The following USH2A variants were observed in gnomAD, a reference collection of about 807,000 sequenced individuals.
The protein encoded by USH2A is Usher syndrome 2A (autosomal recessive, mild).
A neutral mutation model predicts 538.9 loss-of-function variants in USH2A; 443 were observed. The observed-to-expected ratio is 0.82, with a 90% CI of 0.76 to 0.89. USH2A has a LOEUF of 0.89. USH2A is among the 40% of genes least tolerant of loss of function. USH2A has a pLI of 0.00. For synonymous variants in USH2A, 2,413 were observed against 2,273.5 expected (o/e 1.06, Z -1.75); for missense variants, 6,633 against 6,324.8 (o/e 1.05, Z -1.65).
chr1:216,170,390 A>G lies in USH2A; in HGVS notation c.4627+4862T>C, dbSNP rs575918488. On this transcript the variant is annotated intron_variant, in intron 21 of 71. Coordinates refer to ENST00000307340, the MANE Select transcript of USH2A (RefSeq NM_206933.4). ...GTGTCCTTGAACATCATTATTATGAAGAAACTGTATAGAGTTCTCATCTGC... is the reference window on the plus strand; with the variant it reads ...GTGTCCTTGAACATCATTATTATGAGGAAACTGTATAGAGTTCTCATCTGC... Among the ~76,000 whole-genome samples the G allele has an allele frequency of 2.6e-5, 4 of 152,272 alleles. No individual in the cohort carries two copies. The South Asian group carries it at 8.3e-4, about 32-fold the overall frequency.
chr1:215,663,091 T>C (rs563410411), intron 64 of USH2A, among the ~76,000 whole-genome samples: 9 of 152,328 alleles, frequency 5.9e-5, no homozygotes, highest in African/African-American at 2.2e-4. Flanking sequence ...TTGAACTTCC[T>C]AGCGGAAGGA....
chr1:216,083,471 T>C lies in USH2A; in HGVS notation c.5283A>G (p.Gly1761=). The change falls in exon 26 of 72, where the codon GGA becomes GGG. Residue 1761 remains glycine, a synonymous_variant. Coordinates refer to ENST00000307340, the MANE Select transcript of USH2A (RefSeq NM_206933.4). The part of the protein sequence containing the change: ...GLLLFVYNKD[G]PDFLAMELKS... Reference sequence around the variant, plus strand: ...ATTCACATACAGCAAGAAAATCAGGTCCATCTTTGTTATAAACGAAAAGAA... The same window carrying C: ...ATTCACATACAGCAAGAAAATCAGGCCCATCTTTGTTATAAACGAAAAGAA... The C allele has an allele frequency of 6.2e-7, 1 of 1,611,798 alleles. No homozygotes were observed. The highest frequency in any genetic ancestry group is 8.5e-7 in the Non-Finnish European group (1 of 1,179,044).
In USH2A at chr1:215,725,085, G is replaced by T. The variant is rs560772941; in HGVS notation, c.12066+2945C>A. Among the ~76,000 whole-genome samples the T allele has an allele frequency of 9.2e-5, 14 of 152,288 alleles. No homozygotes were observed. The South Asian group carries it at 2.3e-3, about 25-fold the overall frequency. On this transcript the variant is annotated intron_variant, in intron 61 of 71. Coordinates refer to ENST00000307340, the MANE Select transcript of USH2A (RefSeq NM_206933.4). ...GTCTTGCTCTGTTGCCCAGGTTGGA[G>T]TGTGGTGGCATGATCTTGGCTCACT...
chr1:215,745,006 A>G (rs1660431776), intron 58 of USH2A, among the ~76,000 whole-genome samples: 1 of 152,186 alleles, frequency 6.6e-6, no homozygotes, highest in South Asian at 2.1e-4. Flanking sequence ...GTATTTCTAC[A>G]TGGATATTCC....
rs530542333 is a variant in USH2A, at chr1:216,372,675, T to A, written c.652-7590A>T. Among the ~76,000 whole-genome samples the A allele has an allele frequency of 6.8e-4, 104 of 152,262 alleles. 1 individual carries two copies. The highest frequency in any genetic ancestry group is 2.4e-3 in the African/African-American group (98 of 41,556). On this transcript the variant is annotated intron_variant, in intron 3 of 71. Coordinates refer to ENST00000307340, the MANE Select transcript of USH2A (RefSeq NM_206933.4). ...TCTACTGCCAAAAAAAAGCTATTAA[T>A]TTACACATATACATGATGGAAAATC...
chr1:216,048,768 C>A lies in USH2A; in HGVS notation c.6050-121G>T, dbSNP rs2030634397. ...GAGACAAAAACAAAGAGACCAGAGA[C>A]AGAAATCAAAAACATATTCCTCTTT... On this transcript the variant is annotated intron_variant, in intron 30 of 71. Transcript: ENST00000307340. 3.4e-6 allele frequency: 3 copies of A among 869,804 alleles called. No homozygotes were observed. In the South Asian group the frequency reaches 4.1e-5, roughly 12 times the overall value. 53.9% of individuals were successfully genotyped at this position (869,804 alleles called of 1,614,324 possible). A position where few individuals can be genotyped will look rare whatever the true frequency, so the allele number is the denominator to read the frequency against.
At chr1:216,422,576 T>C in intron 1 of USH2A, 36 bp from the exon 2 acceptor site, 1 of 510,622 alleles carries the variant, frequency 2.0e-6, no homozygotes, top group East Asian at 3.8e-5. Context: ...AAGGGAAAGC[T>C]GCTGCACCTT....
intron 14 of USH2A, among the ~76,000 whole-genome samples, chr1:216,231,259 A>ATATATATATTATATATATT (rs1491391548): frequency 1.0e-5 from 1 of 98,116 alleles, no homozygotes; most frequent in African/African-American, 3.6e-5. Flanking sequence ...TTATATATAT[A>ATATATATATTATATATATT]ATATATATAT....
intron 32 of USH2A, among the ~76,000 whole-genome samples, chr1:216,005,698 C>T (rs928944759): frequency 3.6e-4 from 54 of 151,520 alleles, no homozygotes; most frequent in Admixed American, 3.0e-3. Flanking sequence ...CCATTAAATA[C>T]GAGAAAAAGG....
intron 12 of USH2A, among the ~76,000 whole-genome samples, chr1:216,248,491 G>A (rs1438984051): frequency 6.6e-6 from 1 of 151,616 alleles, no homozygotes; most frequent in Non-Finnish European, 1.5e-5. Flanking sequence ...ACATACTCAG[G>A]AACTCATATG....
chr1:216,239,215 A>G (rs1437410178), intron 13 of USH2A, among the ~76,000 whole-genome samples: 2 of 152,158 alleles, frequency 1.3e-5, no homozygotes, highest in African/African-American at 4.8e-5. Context: ...GTGGGCTATG[A>G]ATATGTGCAG....
At chr1:215,987,279 A>T (rs750909225) in intron 35 of USH2A, among the ~76,000 whole-genome samples, 7 of 152,226 alleles carry the variant, frequency 4.6e-5, no homozygotes, top group African/African-American at 1.4e-4. Context: ...CGCAATTGCA[A>T]TCTACACAAT....
In USH2A at chr1:216,198,442, T is replaced by A; in HGVS notation, c.3954A>T (p.Lys1318Asn). The A allele has an allele frequency of 1.2e-6, 2 of 1,613,654 alleles. No individual in the cohort carries two copies. The highest frequency in any genetic ancestry group is 4.5e-5 in the East Asian group (2 of 44,796). Reference sequence around the variant, plus strand: ...TGATGGTTGTCATTGTTTGAGGAGGTTTTAATGCATTTTCATTGGCCGATT... The same window carrying A: ...TGATGGTTGTCATTGTTTGAGGAGGATTTAATGCATTTTCATTGGCCGATT... ...FVESANENAL[K>N]PPQTMTTITG... Residue 1318 changes from lysine (K) to asparagine (N), a missense_variant, in exon 18 of 72, where the codon AAA (lysine) becomes AAT (asparagine). Coordinates refer to ENST00000307340, the MANE Select transcript of USH2A (RefSeq NM_206933.4).
At chr1:215,695,450 A>T (rs968054023) in intron 61 of USH2A, among the ~76,000 whole-genome samples, 1 of 152,230 alleles carries the variant, frequency 6.6e-6, no homozygotes, top group Non-Finnish European at 1.5e-5. Flanking sequence ...AGAGTTCAGC[A>T]ATTTTAGGAT....
At chr1:216,024,939 T>C (rs1188416566) in intron 32 of USH2A, among the ~76,000 whole-genome samples, 1 of 151,950 alleles carries the variant, frequency 6.6e-6, no homozygotes, top group Non-Finnish European at 1.5e-5. Context: ...AGAATATTTA[T>C]GCTAAAGTAC....
chr1:216,020,607 C>T (rs545852873), intron 32 of USH2A, among the ~76,000 whole-genome samples: 39 of 152,222 alleles, frequency 2.6e-4, no homozygotes, highest in Non-Finnish European at 5.0e-4. Flanking sequence ...GACTGTCAGA[C>T]GGCCCCTAGA....
chr1:216,388,514 A>G (rs2039045812), intron 3 of USH2A, among the ~76,000 whole-genome samples: 1 of 152,176 alleles, frequency 6.6e-6, no homozygotes, highest in Non-Finnish European at 1.5e-5. Flanking sequence ...TGGAAGGAAA[A>G]TTACAAATAC....
chr1:215,806,856 A>G (rs1387786392), intron 49 of USH2A, among the ~76,000 whole-genome samples: 7 of 151,952 alleles, frequency 4.6e-5, no homozygotes. Flanking sequence ...TATACTTAGC[A>G]TTTTTTTCAT....
At chr1:215,998,841 G>A (rs1668196632) in intron 34 of USH2A, 46 bp downstream of exon 34, 4 of 1,589,602 alleles carry the variant, frequency 2.5e-6, no homozygotes, top group Non-Finnish European at 3.5e-6. Context: ...AAGGGGAGAA[G>A]AAGTGGAAGG....
Sources: allele counts gnomAD v4.1 joint callset (sites outside exome capture counted in the v4.1 genomes callset), GRCh38; gene constraint gnomAD v4.1.1; transcripts MANE v1.5; gene names NCBI Gene and HGNC (gene_info 2026-07-23, HGNC 2026-07-21).